The following DCX variants were observed in gnomAD, a reference collection of about 807,000 sequenced individuals.
The protein encoded by DCX is doublecortin, also known as neuronal migration protein doublecortin.
In DCX, 4 loss-of-function variants were observed where a neutral mutation model predicts 20.9. That is an observed-to-expected ratio of 0.19 (90% CI 0.09 to 0.44). The LOEUF (loss-of-function observed/expected upper bound fraction) is 0.44. DCX is among the 20% of genes least tolerant of loss of function. DCX has a pLI of 0.99. For missense variants in DCX, 133 were observed against 296.9 expected, an observed-to-expected ratio of 0.45 and a Z score of 4.06; for synonymous variants, 103 against 111.4, an observed-to-expected ratio of 0.92 and a Z score of 0.47.
intron 2 of DCX, among the ~76,000 whole-genome samples, chrX:111,406,875 TG>T (rs1239728609): frequency 8.9e-6 from 1 of 112,384 alleles, no homozygotes; most frequent in Admixed American, 9.4e-5. Flanking sequence ...TGATGATGGT[TG>T]CACCACTTGA....
At chrX:111,372,890 T>C (rs1925215056) in intron 3 of DCX, among the ~76,000 whole-genome samples, 1 of 111,240 alleles carries the variant, frequency 9.0e-6, no homozygotes, top group Admixed American at 9.6e-5. Flanking sequence ...GTGGCTCCGT[T>C]GGAATATCAG....
chrX:111,299,503 A>G lies in DCX; in HGVS notation c.*2184T>C, dbSNP rs2095028953. On this transcript the variant is annotated 3_prime_UTR_variant, in exon 7 of 7. Coordinates refer to ENST00000636035, the MANE Select transcript of DCX (RefSeq NM_001195553.2). The stretch of plus-strand genomic sequence containing the variant: ...AAATAAAGGTGATGGACTAAATGAG[A>G]CCTAAAGTGAGACTATGGGTGGAGT... 9.0e-6 allele frequency: 1 copy of G among 110,964 alleles called. No homozygotes were observed. Among genetic ancestry groups the G allele is most frequent in the African/African-American group, 3.3e-5 (1 of 30,445 alleles). The allele number at this position is 110,964 out of a possible 1,213,427, so 9.1% of individuals were successfully genotyped here.
intron 3 of DCX, among the ~76,000 whole-genome samples, chrX:111,396,282 T>A (rs1254025515): frequency 8.9e-6 from 1 of 112,305 alleles, no homozygotes; most frequent in Non-Finnish European, 1.9e-5. Flanking sequence ...TAGTCGGTGC[T>A]ATAAAGGTAC....
chrX:111,348,297 G>A (rs930198227), intron 3 of DCX, among the ~76,000 whole-genome samples: 3 of 112,219 alleles, frequency 2.7e-5, no homozygotes, highest in Non-Finnish European at 3.8e-5. Context: ...GGAAAGAAGG[G>A]CACAGAGGGG....
chrX:111,357,697 C>A (rs764737201), intron 3 of DCX, among the ~76,000 whole-genome samples: 1 of 110,056 alleles, frequency 9.1e-6, no homozygotes, highest in East Asian at 2.9e-4. Flanking sequence ...TGGGAGGATC[C>A]CTTAAGCCCA....
chrX:111,308,046 G>A (rs1402092024), intron 6 of DCX, among the ~76,000 whole-genome samples: 2 of 112,009 alleles, frequency 1.8e-5, no homozygotes, highest in Admixed American at 9.5e-5. Context: ...AATTTATTTC[G>A]TATTCAGAAT....
At chrX:111,339,455 AC>A (rs1284852635) in intron 3 of DCX, among the ~76,000 whole-genome samples, 4 of 111,388 alleles carry the variant, frequency 3.6e-5, no homozygotes, top group African/African-American at 1.3e-4. Flanking sequence ...GATGCCCTAT[AC>A]CACCTCAGAA....
intron 3 of DCX, among the ~76,000 whole-genome samples, chrX:111,393,735 T>G (rs1603422435): frequency 9.0e-6 from 1 of 111,333 alleles, no homozygotes; most frequent in East Asian, 2.8e-4. Flanking sequence ...TGAAAATATG[T>G]GTGATATCAT....
intron 3 of DCX, among the ~76,000 whole-genome samples, chrX:111,335,510 G>A (rs1189017999): frequency 2.7e-5 from 3 of 112,509 alleles, no homozygotes; most frequent in South Asian, 3.7e-4. Context: ...GGCAGACAAC[G>A]GAGATTAGCA....
intron 3 of DCX, among the ~76,000 whole-genome samples, chrX:111,366,429 G>A (rs1419464647): frequency 8.9e-6 from 1 of 112,027 alleles, no homozygotes; most frequent in East Asian, 2.8e-4. Context: ...CAAGTCATAG[G>A]GCTAATGGTC....
At chrX:111,369,278 T>C (rs1924886154) in intron 3 of DCX, among the ~76,000 whole-genome samples, 1 of 111,109 alleles carries the variant, frequency 9.0e-6, no homozygotes, top group South Asian at 3.9e-4. Flanking sequence ...ATCAATACTT[T>C]GCATCCTTAA....
chrX:111,403,663 C>T (rs1199685701), intron 2 of DCX, among the ~76,000 whole-genome samples: 1 of 112,163 alleles, frequency 8.9e-6, no homozygotes, highest in Non-Finnish European at 1.9e-5. Context: ...CCCTTGGCTT[C>T]AGTTTCTTCT....
At chrX:111,336,004 A>G (rs927234512) in intron 3 of DCX, among the ~76,000 whole-genome samples, 6 of 112,091 alleles carry the variant, frequency 5.4e-5, no homozygotes, top group Non-Finnish European at 1.1e-4. Flanking sequence ...TAGTTCAAAA[A>G]GAAATAGAAA....
In DCX at chrX:111,301,414, G is replaced by T. The variant is rs111957035; in HGVS notation, c.*273C>A. The T allele has an allele frequency of 4.9e-6, 2 of 404,210 alleles. No individual in the cohort carries two copies. The highest frequency in any genetic ancestry group is 4.4e-6 in the Non-Finnish European group (1 of 229,195). 33.3% of individuals were successfully genotyped at this position (404,210 alleles called of 1,213,427 possible). On this transcript the variant is annotated 3_prime_UTR_variant, in exon 7 of 7. Transcript: ENST00000636035. ...AGGCACCTAAGCTTTCCATTGAAAG[G>T]TCATGGACTAGCACATTTTGCATCC...
At position 111,410,412 on chromosome X, in the gene DCX, C is replaced by T. The variant is rs142801276; in HGVS notation, c.-14G>A. ...ATCAAGTTCCATATTTTGGTGGAAC[C>T]TCAGAGACCTGAGCGTGGGAGAAAG... On this transcript the variant is annotated 5_prime_UTR_variant, in exon 2 of 7. Coordinates refer to ENST00000636035, the MANE Select transcript of DCX (RefSeq NM_001195553.2). 3.3e-6 allele frequency: 4 copies of T among 1,207,508 alleles called. No homozygotes were observed. The African/African-American group carries it at 7.1e-5, about 21-fold the overall frequency.
intron 2 of DCX, among the ~76,000 whole-genome samples, chrX:111,408,304 G>A (rs1928365118): frequency 9.0e-6 from 1 of 111,249 alleles, no homozygotes; most frequent in African/African-American, 3.3e-5. Flanking sequence ...AGCTTCCTGG[G>A]CATTGGTTTT....
chrX:111,342,339 TTATATA>T (rs60045433), intron 3 of DCX, among the ~76,000 whole-genome samples: 1,309 of 20,519 alleles, frequency 0.064, 79 homozygotes, highest in African/African-American at 0.12. Flanking sequence ...GAGCTAACTA[TTATATA>T]TATATATATA....
At chrX:111,330,344 CTT>C (rs775589875) in intron 5 of DCX, among the ~76,000 whole-genome samples, 2 of 112,225 alleles carry the variant, frequency 1.8e-5, no homozygotes, top group African/African-American at 3.2e-5. Context: ...TGGCAAATCT[CTT>C]TGTTTTCTTT....
intron 3 of DCX, among the ~76,000 whole-genome samples, chrX:111,375,164 G>A (rs758332672): frequency 1.0e-4 from 11 of 105,535 alleles, no homozygotes; most frequent in African/African-American, 3.5e-4. Flanking sequence ...TGATGCTGGT[G>A]ATGGCTACAC....
Sources: allele counts gnomAD v4.1 joint callset (sites outside exome capture counted in the v4.1 genomes callset), GRCh38; gene constraint gnomAD v4.1.1; transcripts MANE v1.5; gene names NCBI Gene and HGNC (gene_info 2026-07-23, HGNC 2026-07-21).